The following ROCK1 variants were observed in gnomAD, a reference collection of about 807,000 sequenced individuals.
The protein encoded by ROCK1 is rho-associated protein kinase 1.
A neutral mutation model predicts 196.8 loss-of-function variants in ROCK1; 36 were observed. The ratio of observed to expected loss-of-function variants is 0.18; its 90% CI spans 0.14 to 0.24. The LOEUF (loss-of-function observed/expected upper bound fraction) is 0.24. Ranked by LOEUF, ROCK1 falls within the 10% of genes least tolerant of loss-of-function variation. The pLI, the probability that ROCK1 is intolerant of heterozygous loss-of-function variation, is 1.00. For synonymous variants in ROCK1, 443 were observed against 515.9 expected, an observed-to-expected ratio of 0.86 and a Z score of 1.91; for missense variants, 920 against 1,562.0, an observed-to-expected ratio of 0.59 and a Z score of 6.93.
intron 2 of ROCK1, among the ~76,000 whole-genome samples, chr18:21,056,143 T>C (rs2036243445): frequency 6.6e-6 from 1 of 152,316 alleles, no homozygotes; most frequent in Non-Finnish European, 1.5e-5. Flanking sequence ...CAGCCCTCAA[T>C]GGTGACTTCT....
At chr18:21,005,945 G>A (rs2035764916) in intron 16 of ROCK1, among the ~76,000 whole-genome samples, 1 of 151,846 alleles carries the variant, frequency 6.6e-6, no homozygotes, top group Admixed American at 6.6e-5. Context: ...TCTTTATGAG[G>A]GTAATATGAT....
chr18:21,018,090 T>C (rs2035880064), intron 12 of ROCK1, among the ~76,000 whole-genome samples: 1 of 152,182 alleles, frequency 6.6e-6, no homozygotes, highest in African/African-American at 2.4e-5. Flanking sequence ...CAATATATAA[T>C]TTTTTAAAGT....
At chr18:20,952,086 CAAGA>C (rs1242541532) in intron 32 of ROCK1, among the ~76,000 whole-genome samples, 1 of 152,184 alleles carries the variant, frequency 6.6e-6, no homozygotes, top group Admixed American at 6.5e-5. Context: ...TATTTCTCTC[CAAGA>C]AAGAGTTAAC....
At chr18:21,015,548 A>T in intron 12 of ROCK1, 69 bp from the exon 13 acceptor site, 1 of 976,700 alleles carries the variant, frequency 1.0e-6, no homozygotes, top group Non-Finnish European at 1.6e-6. Context: ...AAACACTAAC[A>T]TTCCTTACTT....
intron 27 of ROCK1, among the ~76,000 whole-genome samples, chr18:20,964,497 A>G (rs1199300457): frequency 6.6e-6 from 1 of 152,144 alleles, no homozygotes; most frequent in Non-Finnish European, 1.5e-5. Flanking sequence ...AATAATATTG[A>G]CAAAGACTAT....
Position 20,987,130 on chromosome 18 carries a change from C to T in ROCK1, c.2144-20G>A, listed in dbSNP as rs749027874. 1.2e-6 allele frequency: 2 copies of T among 1,606,788 alleles called. No individual in the cohort carries two copies. The highest frequency in any genetic ancestry group is 2.7e-5 in the African/African-American group (2 of 74,540). On this transcript the variant is annotated intron_variant, in intron 18 of 32. Transcript: ENST00000399799. ...CCATCTCTGGGAAAGCAAAAAGTTA[C>T]AAACATACATTTAAAGAAAGAGTAC...
rs1366393856 is a variant in ROCK1, at chr18:20,947,322, G to GT, written c.*4061dup. 1 of 151,860 alleles carries GT rather than the reference G, an allele frequency of 6.6e-6. No individual in the cohort carries two copies. Among genetic ancestry groups the GT allele is most frequent in the Non-Finnish European group, 1.5e-5 (1 of 67,988 alleles). The allele number at this position is 151,860 out of a possible 1,614,324, so 9.4% of individuals were successfully genotyped here. A position where few individuals can be genotyped will look rare whatever the true frequency, so the allele number is the denominator to read the frequency against. ...GAAGGAATTGGTGGGGTGGGGTGGG[G>GT]TTTAGGAAGTGCAGACTGACTTTCT... On this transcript the variant is annotated 3_prime_UTR_variant, in exon 33 of 33. Transcript: ENST00000399799.
intron 2 of ROCK1, among the ~76,000 whole-genome samples, chr18:21,061,234 A>G (rs1222629812): frequency 6.6e-6 from 1 of 152,030 alleles, no homozygotes; most frequent in Non-Finnish European, 1.5e-5. Context: ...ACCTGCCACC[A>G]TACCCGGCTA....
chr18:20,986,930 G>A lies in ROCK1; in HGVS notation c.2304+20C>T. ...GTTTCTCTTTTAATAGATGAACAAA[G>A]TCAGTACTATTTTTCTTACTTCATC... is the stretch of plus-strand genomic sequence containing the variant. On this transcript the variant is annotated intron_variant, in intron 19 of 32. Transcript: ENST00000399799. The A allele has an allele frequency of 6.4e-7, 1 of 1,570,868 alleles. No homozygotes were observed. The highest frequency in any genetic ancestry group is 1.2e-5 in the South Asian group (1 of 83,964).
chr18:20,996,270 C>T (rs562959040), intron 16 of ROCK1, among the ~76,000 whole-genome samples: 1 of 151,950 alleles, frequency 6.6e-6, no homozygotes, highest in South Asian at 2.1e-4. Flanking sequence ...AAAATGCAAC[C>T]GACATACTGA....
intron 12 of ROCK1, among the ~76,000 whole-genome samples, chr18:21,016,765 CTAATTAAGCAGGAACTTCTTT>C (rs2035866067): frequency 6.6e-6 from 1 of 152,042 alleles, no homozygotes; most frequent in African/African-American, 2.4e-5. Context: ...CCAAGTGCTG[CTAATTAAGCAGGAACTTCTTT>C]TGAAAACAGC....
At chr18:21,087,505 C>G (rs1421312418) in intron 1 of ROCK1, among the ~76,000 whole-genome samples, 2 of 151,950 alleles carry the variant, frequency 1.3e-5, no homozygotes, top group East Asian at 3.9e-4. Context: ...AAATATTAAT[C>G]AAAAGAAAGT....
chr18:21,030,896 C>T (rs1230235489), intron 9 of ROCK1, among the ~76,000 whole-genome samples: 1 of 152,052 alleles, frequency 6.6e-6, no homozygotes, highest in Admixed American at 6.6e-5. Flanking sequence ...TTGGCAAAAA[C>T]GACCAGAGCA....
At chr18:21,022,639 T>A (rs1286925915) in intron 11 of ROCK1, among the ~76,000 whole-genome samples, 1 of 152,116 alleles carries the variant, frequency 6.6e-6, no homozygotes, top group Non-Finnish European at 1.5e-5. Context: ...ATGCTCTACG[T>A]TTTATATTCC....
chr18:20,960,050 A>T (rs1017293063), intron 28 of ROCK1, 86 bp downstream of exon 28: 3 of 1,068,114 alleles, frequency 2.8e-6, no homozygotes, highest in Admixed American at 3.8e-5. Context: ...AAATGCTAGT[A>T]AAAAAAAGTA....
intron 13 of ROCK1, 143 bp downstream of exon 13, chr18:21,015,288 C>T (rs944975985): frequency 6.0e-6 from 4 of 672,062 alleles, no homozygotes; most frequent in African/African-American, 1.8e-5. Flanking sequence ...AACTGCAGTT[C>T]CAAGGTGAGG....
At chr18:21,079,296 G>C (rs939784846) in intron 1 of ROCK1, among the ~76,000 whole-genome samples, 4 of 151,974 alleles carry the variant, frequency 2.6e-5, no homozygotes, top group African/African-American at 4.8e-5. Flanking sequence ...CTGTATGGAG[G>C]CATGTTGCTC....
chr18:20,959,122 T>TATATATATTATATATATATTATATA (rs2035295120), intron 29 of ROCK1, among the ~76,000 whole-genome samples: 1 of 49,768 alleles, frequency 2.0e-5, no homozygotes, highest in Non-Finnish European at 3.0e-5. Context: ...TATTATATAA[T>TATATATATTATATATATATTATATA]ATATATATTA....
rs2036258300 is a variant in ROCK1 at position 21,057,997 on chromosome 18, T to C, written c.176-8117A>G. ...AATTTCATATACATAGAGTATTAGGTAACATTTAAAATTGTGTTGAATATT... is the reference window on the plus strand; with the variant it reads ...AATTTCATATACATAGAGTATTAGGCAACATTTAAAATTGTGTTGAATATT... On this transcript the variant is annotated intron_variant, in intron 2 of 32. Transcript: ENST00000399799. Among the ~76,000 whole-genome samples, 4 of 152,340 alleles carry C rather than the reference T, an allele frequency of 2.6e-5. No homozygotes were observed. The South Asian group carries it at 8.3e-4, about 32-fold the overall frequency.
Sources: allele counts gnomAD v4.1 joint callset (sites outside exome capture counted in the v4.1 genomes callset), GRCh38; gene constraint gnomAD v4.1.1; transcripts MANE v1.5; gene names NCBI Gene and HGNC (gene_info 2026-07-23, HGNC 2026-07-21).